The following FBXL7 variants were observed in gnomAD, a reference collection of about 807,000 sequenced individuals.
FBXL7 encodes the protein F-box and leucine rich repeat protein 7, also known as F-box/LRR-repeat protein 7.
In FBXL7, 12 loss-of-function variants were observed where a neutral mutation model predicts 38.3. The observed-to-expected ratio is 0.31, with a 90% CI of 0.20 to 0.51. The LOEUF (loss-of-function observed/expected upper bound fraction) is 0.51. Among genes scored for constraint, FBXL7 ranks in the 20% least tolerant of loss-of-function variants. The pLI is 0.98. For synonymous variants in FBXL7, 297 were observed against 300.9 expected, an observed-to-expected ratio of 0.99 and a Z score of 0.13; for missense variants, 567 against 676.4, an observed-to-expected ratio of 0.84 and a Z score of 1.79.
chr5:15,573,841 A>AT (rs1387634132), intron 1 of FBXL7, among the ~76,000 whole-genome samples: 7 of 152,220 alleles, frequency 4.6e-5, no homozygotes, highest in African/African-American at 1.7e-4. Flanking sequence ...ACTATCATAA[A>AT]TGTAGATGAT....
At chr5:15,766,039 T>TCTGTCTGTCTACCTAC (rs750041644) in intron 2 of FBXL7, among the ~76,000 whole-genome samples, 1 of 114,874 alleles carries the variant, frequency 8.7e-6, no homozygotes, top group African/African-American at 3.1e-5. Context: ...TGTCTGTCTG[T>TCTGTCTGTCTACCTAC]CTATCTACCT....
In FBXL7 at chr5:15,927,985, A is replaced by G; in HGVS notation, c.223A>G (p.Thr75Ala). Reference protein sequence around the residue: ...PGFQNGRGSSTSSSSITGETV... With the variant: ...PGFQNGRGSSASSSSITGETV... ...ATTTCAGAATGGAAGGGGCTCGTCC[A>G]CCTCCTCGTCCTCCATCACCGGGGA... The change falls in exon 3 of 4, where the codon ACC (threonine) becomes GCC (alanine). Residue 75 changes from threonine (T) to alanine (A), a missense_variant. Physicochemically the swap from Thr to Ala is moderately conservative, Grantham distance 58. Transcript: ENST00000504595. 6.3e-7 allele frequency: 1 copy of G among 1,594,130 alleles called. No individual in the cohort carries two copies. The highest frequency in any genetic ancestry group is 1.1e-5 in the South Asian group (1 of 87,804).
chr5:15,778,105 T>G (rs758998836), intron 2 of FBXL7, among the ~76,000 whole-genome samples: 2 of 152,080 alleles, frequency 1.3e-5, no homozygotes, highest in Non-Finnish European at 2.9e-5. Flanking sequence ...TATACCTCAT[T>G]AATGGGAAGA....
chr5:15,592,484 A>G (rs1220872701), intron 1 of FBXL7, among the ~76,000 whole-genome samples: 2 of 152,224 alleles, frequency 1.3e-5, no homozygotes, highest in African/African-American at 4.8e-5. Flanking sequence ...CCAACTACAC[A>G]GCTTGACGCC....
At chr5:15,682,791 G>C (rs1178329866) in intron 2 of FBXL7, among the ~76,000 whole-genome samples, 1 of 152,188 alleles carries the variant, frequency 6.6e-6, no homozygotes, top group African/African-American at 2.4e-5. Context: ...GATGGAATCA[G>C]CCTGTTGCCA....
At chr5:15,918,620 C>T (rs952313758) in intron 2 of FBXL7, among the ~76,000 whole-genome samples, 1 of 152,230 alleles carries the variant, frequency 6.6e-6, no homozygotes, top group African/African-American at 2.4e-5. Context: ...CACTGGAAAA[C>T]TGGGGTTTGT....
At chr5:15,568,194 C>A (rs1207821750) in intron 1 of FBXL7, among the ~76,000 whole-genome samples, 1 of 151,984 alleles carries the variant, frequency 6.6e-6, no homozygotes, top group African/African-American at 2.4e-5. Flanking sequence ...AATGGTTGAA[C>A]TAGTTTACAG....
intron 2 of FBXL7, among the ~76,000 whole-genome samples, chr5:15,775,446 C>G (rs1025175112): frequency 6.6e-6 from 1 of 152,026 alleles, no homozygotes; most frequent in Non-Finnish European, 1.5e-5. Flanking sequence ...GGGGAATATG[C>G]CATTTCATTA....
intron 2 of FBXL7, among the ~76,000 whole-genome samples, chr5:15,727,807 C>G (rs1041707668): frequency 6.6e-6 from 1 of 152,134 alleles, no homozygotes; most frequent in African/African-American, 2.4e-5. Context: ...TAAATATTCT[C>G]GCTGATTCTT....
intron 2 of FBXL7, among the ~76,000 whole-genome samples, chr5:15,788,177 G>A (rs887585624): frequency 6.6e-6 from 1 of 152,092 alleles, no homozygotes; most frequent in African/African-American, 2.4e-5. Flanking sequence ...CAACGCAATG[G>A]AGTATGTCCT....
chr5:15,806,740 C>T (rs1472618092), intron 2 of FBXL7, among the ~76,000 whole-genome samples: 1 of 152,102 alleles, frequency 6.6e-6, no homozygotes, highest in Non-Finnish European at 1.5e-5. Flanking sequence ...ATGAATGCGC[C>T]ACAGGAGACA....
At chr5:15,664,786 C>A (rs953588533) in intron 2 of FBXL7, among the ~76,000 whole-genome samples, 1 of 151,820 alleles carries the variant, frequency 6.6e-6, no homozygotes, top group African/African-American at 2.4e-5. Context: ...TTTCTTCAAG[C>A]GTCCTAACTC....
At chr5:15,623,427 G>A (rs1449131466) in intron 2 of FBXL7, among the ~76,000 whole-genome samples, 1 of 152,168 alleles carries the variant, frequency 6.6e-6, no homozygotes, top group Non-Finnish European at 1.5e-5. Context: ...TTGGAGGCTT[G>A]TGAAATTATT....
intron 2 of FBXL7, among the ~76,000 whole-genome samples, chr5:15,665,313 T>C (rs1469829590): frequency 6.6e-6 from 1 of 152,224 alleles, no homozygotes; most frequent in South Asian, 2.1e-4. Flanking sequence ...CCTTTAGCTT[T>C]GTAAACTAAC....
chr5:15,810,606 A>G (rs892527375), intron 2 of FBXL7, among the ~76,000 whole-genome samples: 2 of 151,860 alleles, frequency 1.3e-5, no homozygotes, highest in Non-Finnish European at 2.9e-5. Flanking sequence ...ATTTGAACCT[A>G]TTAATATGAA....
chr5:15,929,589 A>T (rs947904700), intron 3 of FBXL7, among the ~76,000 whole-genome samples: 1 of 148,012 alleles, frequency 6.8e-6, no homozygotes, highest in African/African-American at 2.5e-5. Context: ...ATACCACTGC[A>T]CTCCAGCCTG....
intron 2 of FBXL7, among the ~76,000 whole-genome samples, chr5:15,861,112 A>C (rs961385382): frequency 1.3e-5 from 2 of 152,192 alleles, no homozygotes; most frequent in African/African-American, 4.8e-5. Flanking sequence ...TACCAAGATA[A>C]TAGGTGGTTT....
At chr5:15,815,332 C>T (rs1485406192) in intron 2 of FBXL7, among the ~76,000 whole-genome samples, 1 of 152,148 alleles carries the variant, frequency 6.6e-6, no homozygotes, top group African/African-American at 2.4e-5. Context: ...AAATAGCTGT[C>T]CAACCTCCAT....
intron 2 of FBXL7, among the ~76,000 whole-genome samples, chr5:15,811,134 A>C (rs1737849217): frequency 6.6e-6 from 1 of 152,194 alleles, no homozygotes; most frequent in African/African-American, 2.4e-5. Context: ...TGAGATAGGC[A>C]TGGGCTTGAT....
Sources: gnomAD v4.1 joint callset for allele counts (sites outside exome capture counted in the v4.1 genomes callset) on GRCh38, gnomAD v4.1.1 for gene constraint, MANE v1.5 for transcripts, NCBI Gene and HGNC (gene_info 2026-07-23, HGNC 2026-07-21) for gene names.